ADAMTSL1: variants seen among roughly 807,000 people sequenced by gnomAD.
The protein encoded by ADAMTSL1 is ADAMTS like 1, also known as ADAMTS-like protein 1.
Under a neutral mutation model 201.8 loss-of-function variants are expected in ADAMTSL1, and 126 were observed. That is an observed-to-expected ratio of 0.62 (90% CI 0.54 to 0.72). The LOEUF is 0.72. ADAMTSL1 is among the 30% of genes least tolerant of loss of function. The probability of loss-of-function intolerance (pLI) is 0.00; values close to 1 mark genes in which losing one functional copy is unlikely to be tolerated. For missense variants in ADAMTSL1, 2,679 were observed against 2,277.8 expected, an observed-to-expected ratio of 1.18 and a Z score of -3.59; for synonymous variants, 1,121 against 903.4, an observed-to-expected ratio of 1.24 and a Z score of -4.32.
intron 1 of ADAMTSL1, among the ~76,000 whole-genome samples, chr9:17,962,235 G>C (rs2131401530): frequency 6.6e-6 from 1 of 152,236 alleles, no homozygotes; most frequent in African/African-American, 2.4e-5. Flanking sequence ...GGGCTATAAT[G>C]AGACCACACT....
chr9:18,729,432 A>G (rs944162221), intron 15 of ADAMTSL1, among the ~76,000 whole-genome samples: 21 of 152,242 alleles, frequency 1.4e-4, no homozygotes, highest in Non-Finnish European at 2.9e-4. Flanking sequence ...TGCAGGGAGC[A>G]AGACCTACCT....
chr9:18,655,944 T>G (rs1298937959), intron 7 of ADAMTSL1, among the ~76,000 whole-genome samples: 5 of 152,044 alleles, frequency 3.3e-5, no homozygotes, highest in African/African-American at 7.2e-5. Context: ...GCAGTGCTCT[T>G]TTTTTGTGAA....
chr9:18,459,735 T>A (rs1248413310), intron 2 of ADAMTSL1, among the ~76,000 whole-genome samples: 1 of 152,174 alleles, frequency 6.6e-6, no homozygotes, highest in African/African-American at 2.4e-5. Flanking sequence ...TTTGAGGAGT[T>A]AGATGTATTA....
At position 18,815,098 on chromosome 9, in the gene ADAMTSL1, C is replaced by T. The variant is rs541267888; in HGVS notation, c.3806-2011C>T. On this transcript the variant is annotated intron_variant, in intron 20 of 28. Transcript: ENST00000380548. ...ATGTGGAGAAGAGAGAATTCTTATA[C>T]ATTGTTAATGGGAATGTAAATTAGT... 7.9e-5 allele frequency among the ~76,000 whole-genome samples: 12 copies of T among 152,234 alleles called. No individual in the cohort carries two copies. In the South Asian group the frequency reaches 2.5e-3, roughly 32 times the overall value.
At chr9:18,646,719 C>G (rs1026225531) in intron 7 of ADAMTSL1, among the ~76,000 whole-genome samples, 10 of 152,146 alleles carry the variant, frequency 6.6e-5, no homozygotes, top group African/African-American at 2.4e-4. Context: ...TTGAACCAGC[C>G]TTGCATCCCA....
In ADAMTSL1 at chr9:18,336,647, G is replaced by T. The variant is rs538110891; in HGVS notation, c.208-168182G>T. 4.6e-5 allele frequency among the ~76,000 whole-genome samples: 7 copies of T among 152,162 alleles called. No homozygotes were observed. The East Asian group carries it at 1.2e-3, about 25-fold the overall frequency. ...TTTTTATAGATGGGTGAAGTGGAAG[G>T]TTACAAAAAGTAAAAGGAACTCGGC... is the stretch of plus-strand genomic sequence containing the variant. On this transcript the variant is annotated intron_variant, in intron 2 of 29. Coordinates refer to the ADAMTSL1 transcript ENST00000680146.
intron 1 of ADAMTSL1, among the ~76,000 whole-genome samples, chr9:18,040,888 T>C (rs1420092503): frequency 6.6e-6 from 1 of 152,200 alleles, no homozygotes; most frequent in East Asian, 1.9e-4. Context: ...CATTATTTGT[T>C]CCGTTGTTAA....
intron 15 of ADAMTSL1, among the ~76,000 whole-genome samples, chr9:18,731,062 T>C (rs1818189409): frequency 6.6e-6 from 1 of 152,228 alleles, no homozygotes; most frequent in Non-Finnish European, 1.5e-5. Flanking sequence ...GCATGGTTTT[T>C]CTTTTTTTAC....
At position 17,961,666 on chromosome 9, in the gene ADAMTSL1, C is replaced by T. The variant is rs117686634; in HGVS notation, c.87+54744C>T. On this transcript the variant is annotated intron_variant, in intron 1 of 29. Coordinates refer to the ADAMTSL1 transcript ENST00000680146. The stretch of plus-strand genomic sequence containing the variant: ...ATTCAGTTTGCTGATTTGATTTCAG[C>T]TCCAGATTCATTTTTATGTGGAGCA... Among the ~76,000 whole-genome samples the T allele has an allele frequency of 5.2e-3, 793 of 152,292 alleles. 3 individuals carry two copies. Among genetic ancestry groups the T allele is most frequent in the Middle Eastern group, 0.017 (5 of 294 alleles).
intron 1 of ADAMTSL1, among the ~76,000 whole-genome samples, chr9:18,016,031 A>G (rs1820246878): frequency 6.6e-6 from 1 of 152,056 alleles, no homozygotes; most frequent in Non-Finnish European, 1.5e-5. Context: ...AGAGCCTTGT[A>G]TGCCAGGTAA....
chr9:17,951,508 A>G (rs1162636420), intron 1 of ADAMTSL1, among the ~76,000 whole-genome samples: 1 of 152,162 alleles, frequency 6.6e-6, no homozygotes, highest in Non-Finnish European at 1.5e-5. Context: ...TTTAAATTGT[A>G]TCACAGCATG....
chr9:18,737,797 C>G (rs1227927296), intron 15 of ADAMTSL1, among the ~76,000 whole-genome samples: 1 of 152,178 alleles, frequency 6.6e-6, no homozygotes, highest in Non-Finnish European at 1.5e-5. Context: ...AAGCTCAAAG[C>G]CTGAAAAGTA....
chr9:18,910,120 C>T lies in ADAMTSL1; in HGVS notation c.*1572C>T, dbSNP rs890392379. 3 of 152,142 alleles carry T rather than the reference C, an allele frequency of 2.0e-5. No individual in the cohort carries two copies. Among genetic ancestry groups the T allele is most frequent in the African/African-American group, 7.2e-5 (3 of 41,400 alleles). 9.4% of individuals were successfully genotyped at this position (152,142 alleles called of 1,614,324 possible). On this transcript the variant is annotated 3_prime_UTR_variant, in exon 29 of 29. Coordinates refer to ENST00000380548, the MANE Select transcript of ADAMTSL1 (RefSeq NM_001040272.6). Reference sequence around the variant, plus strand: ...TTGACATCAGGGCTGCATTTCCAGCCAGCCTGGAAGTAAAATTTGAGAGGA... The same window carrying T: ...TTGACATCAGGGCTGCATTTCCAGCTAGCCTGGAAGTAAAATTTGAGAGGA...
intron 2 of ADAMTSL1, among the ~76,000 whole-genome samples, chr9:18,450,572 T>C (rs984408425): frequency 6.6e-6 from 1 of 151,476 alleles, no homozygotes. Context: ...TATATACATA[T>C]ATAGATATAT....
intron 13 of ADAMTSL1, among the ~76,000 whole-genome samples, chr9:18,701,799 T>C (rs1831940020): frequency 6.6e-6 from 1 of 152,248 alleles, no homozygotes; most frequent in Non-Finnish European, 1.5e-5. Flanking sequence ...TAAAGCTGTT[T>C]TTATTTTTAA....
chr9:18,004,307 T>A (rs1819727878), intron 1 of ADAMTSL1, among the ~76,000 whole-genome samples: 1 of 152,010 alleles, frequency 6.6e-6, no homozygotes, highest in Non-Finnish European at 1.5e-5. Flanking sequence ...AGGGATGCCA[T>A]CTTCAGGGAG....
At chr9:18,498,956 T>C (rs1538999) in intron 1 of ADAMTSL1, among the ~76,000 whole-genome samples, 1 of 152,116 alleles carries the variant, frequency 6.6e-6, no homozygotes, top group Non-Finnish European at 1.5e-5. Context: ...GTGCAGTTAG[T>C]CGCCTTAACA....
chr9:18,754,155 T>G (rs1588047764), intron 16 of ADAMTSL1, among the ~76,000 whole-genome samples: 2 of 152,328 alleles, frequency 1.3e-5, no homozygotes, highest in South Asian at 4.1e-4. Flanking sequence ...GCTTTTGCAC[T>G]ACAAGGCAGA....
chr9:18,256,227 T>G (rs1199370909), intron 2 of ADAMTSL1, among the ~76,000 whole-genome samples: 1 of 152,188 alleles, frequency 6.6e-6, no homozygotes, highest in African/African-American at 2.4e-5. Context: ...GAGGAGGGTT[T>G]TATTCATGCT....
Sources: gnomAD v4.1 joint callset for allele counts (sites outside exome capture counted in the v4.1 genomes callset) on GRCh38, gnomAD v4.1.1 for gene constraint, MANE v1.5 for transcripts, NCBI Gene and HGNC (gene_info 2026-07-23, HGNC 2026-07-21) for gene names.